The following SYNE1 variants were observed in gnomAD, a reference collection of about 807,000 sequenced individuals.
SYNE1 encodes the protein nesprin-1.
Under a neutral mutation model 1,111.0 loss-of-function variants are expected in SYNE1, and 616 were observed. The ratio of observed to expected loss-of-function variants is 0.55; its 90% confidence interval spans 0.52 to 0.59. The LOEUF is 0.59. Ranked by LOEUF, SYNE1 falls within the 20% of genes least tolerant of loss-of-function variation. SYNE1 has a pLI of 0.00. For missense variants in SYNE1, 10,006 were observed against 10,417.0 expected, an observed-to-expected ratio of 0.96 and a Z score of 1.72; for synonymous variants, 3,855 against 3,825.8, an observed-to-expected ratio of 1.01 and a Z score of -0.28.
At chr6:152,530,865 T>C (rs1328821880) in intron 4 of SYNE1, among the ~76,000 whole-genome samples, 1 of 151,870 alleles carries the variant, frequency 6.6e-6, no homozygotes, top group African/African-American at 2.4e-5. Flanking sequence ...CCTCATGATC[T>C]GCCCGCCTCA....
At chr6:152,507,594 G>A (rs907609638) in intron 8 of SYNE1, among the ~76,000 whole-genome samples, 1 of 152,062 alleles carries the variant, frequency 6.6e-6, no homozygotes, top group Non-Finnish European at 1.5e-5. Flanking sequence ...CCAAAAGAAA[G>A]ACACAGCATT....
chr6:152,127,798 G>A (rs946990604), intron 145 of SYNE1: 1 of 152,176 alleles, frequency 6.6e-6, no homozygotes, highest in Non-Finnish European at 1.5e-5. Flanking sequence ...AAACTGAGTA[G>A]TGTTTATAGT....
intron 138 of SYNE1, 129 bp downstream of exon 138, chr6:152,143,494 A>G: frequency 1.5e-6 from 2 of 1,370,846 alleles, no homozygotes; most frequent in South Asian, 2.3e-5. Flanking sequence ...TTGCACATCC[A>G]GGTTCACGAG....
intron 81 of SYNE1, among the ~76,000 whole-genome samples, chr6:152,324,374 G>A (rs1329429023): frequency 3.9e-5 from 6 of 152,154 alleles, no homozygotes; most frequent in Non-Finnish European, 5.9e-5. Flanking sequence ...ACTCTAGCCT[G>A]GGCGACAGAG....
intron 5 of SYNE1, among the ~76,000 whole-genome samples, chr6:152,523,160 T>A (rs947979357): frequency 1.3e-5 from 2 of 152,102 alleles, no homozygotes; most frequent in Non-Finnish European, 2.9e-5. Flanking sequence ...TCTAGTTTTT[T>A]TTTCTAGAAT....
intron 132 of SYNE1, 61 bp downstream of exon 132, chr6:152,155,849 G>A: frequency 1.3e-6 from 2 of 1,596,876 alleles, no homozygotes; most frequent in Non-Finnish European, 1.7e-6. Flanking sequence ...GATACTCTGG[G>A]TGATTTTTAT....
chr6:152,208,207 C>T lies in SYNE1; in HGVS notation c.22590-1G>A, dbSNP rs2153409815. On this transcript the variant is annotated splice_acceptor_variant, in intron 124 of 145. Coordinates refer to ENST00000367255, the MANE Select transcript of SYNE1 (RefSeq NM_182961.4). LOFTEE classifies it high-confidence loss of function. ...TGTCAATTTCAGGTTGAATTCATCC[C>T]TAGTGAAGAAATAATTACATGGTAA... is the stretch of plus-strand genomic sequence containing the variant. The T allele has an allele frequency of 6.2e-7, 1 of 1,613,442 alleles. No individual in the cohort carries two copies.
chr6:152,532,493 C>T (rs1168827669), intron 4 of SYNE1, among the ~76,000 whole-genome samples: 2 of 152,110 alleles, frequency 1.3e-5, no homozygotes, highest in Non-Finnish European at 2.9e-5. Flanking sequence ...AAAACTGAAC[C>T]AGAAAATGCT....
chr6:152,260,570 T>C (rs57786327), intron 101 of SYNE1, among the ~76,000 whole-genome samples: 11,583 of 152,028 alleles, frequency 0.076, 759 homozygotes, highest in African/African-American at 0.17. Flanking sequence ...CACAAAAGCA[T>C]GTGCTTTTAT....
chr6:152,144,191 CCTCT>C, intron 137 of SYNE1: 1 of 280,442 alleles, frequency 3.6e-6, no homozygotes. Flanking sequence ...GAAGATCCTC[CCTCT>C]GATTTTTCTT....
At chr6:152,337,533 C>A (rs1410642911) in intron 75 of SYNE1, among the ~76,000 whole-genome samples, 1 of 152,228 alleles carries the variant, frequency 6.6e-6, no homozygotes, top group Non-Finnish European at 1.5e-5. Flanking sequence ...AGATAATACG[C>A]CCGCCTTGGC....
At chr6:152,342,353 C>T (rs961572666) in intron 74 of SYNE1, among the ~76,000 whole-genome samples, 3 of 152,174 alleles carry the variant, frequency 2.0e-5, no homozygotes, top group African/African-American at 4.8e-5. Context: ...AGCCACAAGA[C>T]AAGGTGGCTT....
chr6:152,220,003 C>A (rs2153460505), intron 119 of SYNE1, among the ~76,000 whole-genome samples: 1 of 152,302 alleles, frequency 6.6e-6, no homozygotes, highest in South Asian at 2.1e-4. Context: ...ACACAGATAA[C>A]AGACAAGGTG....
At chr6:152,151,864 C>G in intron 134 of SYNE1, 95 bp downstream of exon 134, 1 of 1,527,450 alleles carries the variant, frequency 6.5e-7, no homozygotes, top group Middle Eastern at 1.8e-4. Context: ...CCATCCCATT[C>G]TTACAAAATC....
chr6:152,369,652 T>C, intron 59 of SYNE1, 38 bp from the exon 60 acceptor site: 4 of 1,612,604 alleles, frequency 2.5e-6, no homozygotes, highest in Non-Finnish European at 3.4e-6. Flanking sequence ...CAAGAAAATA[T>C]TTTAATAGCA....
chr6:152,285,666 G>A (rs566553491), intron 95 of SYNE1, among the ~76,000 whole-genome samples: 2 of 152,204 alleles, frequency 1.3e-5, no homozygotes, highest in South Asian at 2.1e-4. Context: ...AACTCTTCCC[G>A]CTCTGTGTGA....
In SYNE1 at chr6:152,450,685, A is replaced by G. The variant is rs1212444374; in HGVS notation, c.3335T>C (p.Ile1112Thr). The G allele has an allele frequency of 3.1e-6, 5 of 1,614,096 alleles. No homozygotes were observed. Among genetic ancestry groups the G allele is most frequent in the African/African-American group, 1.3e-5 (1 of 75,000 alleles). Residue 1112 changes from isoleucine (I) to threonine (T), a missense_variant, in exon 27 of 146, where the codon ATT becomes ACT. Transcript: ENST00000367255. ...HVTLKELRAA[I>T]DSTYRKLMED... ...CATGAGCTTCCTGTAGGTGCTGTCA[A>G]TGGCAGCTCTGAGCTCTTTGAGAGT...
chr6:152,510,051 C>A, intron 8 of SYNE1, 142 bp downstream of exon 8: 1 of 867,114 alleles, frequency 1.2e-6, no homozygotes, highest in Non-Finnish European at 1.9e-6. Flanking sequence ...TATCTCAATT[C>A]AAGGCAAGAG....
chr6:152,261,814 A>G (rs1026646403), intron 101 of SYNE1, among the ~76,000 whole-genome samples: 2 of 152,204 alleles, frequency 1.3e-5, no homozygotes, highest in African/African-American at 2.4e-5. Flanking sequence ...CTGAGGAAAA[A>G]TATTGTCTAT....
Sources: gnomAD v4.1 joint callset for allele counts (sites outside exome capture counted in the v4.1 genomes callset) on GRCh38, gnomAD v4.1.1 for gene constraint, MANE v1.5 for transcripts, NCBI Gene and HGNC (gene_info 2026-07-23, HGNC 2026-07-21) for gene names.